The following HSBP1 variants were observed in gnomAD, a reference collection of about 807,000 sequenced individuals.
The protein encoded by HSBP1 is heat shock factor binding protein 1.
HSBP1 carries 5 observed loss-of-function variants against 9.6 expected under a neutral mutation model. That is an observed-to-expected ratio of 0.52 (90% confidence interval 0.27 to 1.09). The LOEUF (loss-of-function observed/expected upper bound fraction) is 1.09, where lower values mean the gene tolerates loss of function less well. HSBP1 is among the 50% of genes least tolerant of loss of function. The probability of loss-of-function intolerance (pLI) is 0.11; values close to 1 mark genes in which losing one functional copy is unlikely to be tolerated. For missense variants in HSBP1, 121 were observed against 96.3 expected, an observed-to-expected ratio of 1.26 and a Z score of -1.07; for synonymous variants, 42 against 33.3, an observed-to-expected ratio of 1.26 and a Z score of -0.90.
chr16:83,808,663 G>A lies in HSBP1; in HGVS notation c.46-17G>A, dbSNP rs770995968. ...GGATCGATGTGGACCGTGTTTGTTTGTTTCGGTTTTTCTTAGGTGCAGACA... is the reference window on the plus strand; with the variant it reads ...GGATCGATGTGGACCGTGTTTGTTTATTTCGGTTTTTCTTAGGTGCAGACA... On this transcript the variant is annotated splice_polypyrimidine_tract_variant and intron_variant, in intron 1 of 3. Coordinates refer to ENST00000433866, the MANE Select transcript of HSBP1 (RefSeq NM_001537.4). 3 of 1,605,606 alleles carry A rather than the reference G, an allele frequency of 1.9e-6. No individual in the cohort carries two copies. Among genetic ancestry groups the A allele is most frequent in the Non-Finnish European group, 2.6e-6 (3 of 1,173,820 alleles).
In HSBP1 at chr16:83,812,026, T is replaced by C. The variant is rs1005310609; in HGVS notation, c.*608T>C. The C allele has an allele frequency of 6.5e-6, 1 of 152,694 alleles. No individual in the cohort carries two copies. Among genetic ancestry groups the C allele is most frequent in the African/African-American group, 2.4e-5 (1 of 41,478 alleles). The allele number at this position is 152,694 out of a possible 1,614,324, so 9.5% of individuals were successfully genotyped here. A position where few individuals can be genotyped will look rare whatever the true frequency, so the allele number is the denominator to read the frequency against. On this transcript the variant is annotated 3_prime_UTR_variant, in exon 4 of 4. Transcript: ENST00000433866. ...CCCTGAGATCACATGCTAAAGTCGA[T>C]GAAAAGTAACCACTGCCACTGTCTT...
chr16:83,811,050 C>T (rs966591482), intron 3 of HSBP1, among the ~76,000 whole-genome samples: 1 of 152,146 alleles, frequency 6.6e-6, no homozygotes, highest in African/African-American at 2.4e-5. Flanking sequence ...TGGGTTATGT[C>T]ATCGTTATTC....
At chr16:83,808,551 C>A in intron 1 of HSBP1, 129 bp from the exon 2 acceptor site, 1 of 664,884 alleles carries the variant, frequency 1.5e-6, no homozygotes, top group Admixed American at 2.8e-5. Context: ...GAAGATCTTG[C>A]TGAAGGCCGC....
At position 83,808,092 on chromosome 16, in the gene HSBP1, C is replaced by G; in HGVS notation, c.16C>G (p.Pro6Ala). The G allele has an allele frequency of 1.3e-6, 2 of 1,547,410 alleles. No homozygotes were observed. The highest frequency in any genetic ancestry group is 1.7e-6 in the Non-Finnish European group (2 of 1,145,018). ...CATCGGGGAGATGGCCGAGACTGAC[C>G]CCAAGACCGTGCAGGACCTCACCTC... MAETD[P>A]KTVQDLTSVV... Residue 6 changes from proline (P) to alanine (A), a missense_variant, in exon 1 of 4, where the codon CCC becomes GCC. Physicochemically the swap from Pro to Ala is conservative, Grantham distance 27. Transcript: ENST00000433866.
rs78631719 is a variant in HSBP1, at chr16:83,818,882, G to A, written c.*7464G>A. 5.2e-3 allele frequency: 798 copies of A among 152,278 alleles called. 3 individuals carry two copies. The highest frequency in any genetic ancestry group is 0.019 in the African/African-American group (772 of 41,546). The allele number at this position is 152,278 out of a possible 1,614,324, so 9.4% of individuals were successfully genotyped here. On this transcript the variant is annotated 3_prime_UTR_variant, in exon 4 of 4. Coordinates refer to ENST00000433866, the MANE Select transcript of HSBP1 (RefSeq NM_001537.4). ...TGGAAAGAATATTTTCTTCCTTGGA[G>A]ACATTTCCCATAGGGCAGTGGTTCT...
At position 83,808,729 on chromosome 16, in the gene HSBP1, A is replaced by G; in HGVS notation, c.95A>G (p.Asp32Gly). The change falls in exon 2 of 4, where the codon GAC (aspartate) becomes GGC (glycine). Residue 32 changes from aspartate to glycine, a missense_variant. Physicochemically the swap from Asp to Gly is moderately conservative, Grantham distance 94. Coordinates refer to ENST00000433866, the MANE Select transcript of HSBP1 (RefSeq NM_001537.4). ...CAAGATAAATTTCAGACCATGTCTG[A>G]CCAGATCATTGGGAGAAATATCCTT... Reference protein sequence around the residue: ...QMQDKFQTMSDQIIGRIDDMS... With the variant: ...QMQDKFQTMSGQIIGRIDDMS... 6.2e-7 allele frequency: 1 copy of G among 1,612,108 alleles called. No homozygotes were observed. The highest frequency in any genetic ancestry group is 8.5e-7 in the Non-Finnish European group (1 of 1,178,488).
chr16:83,808,255 G>A (rs1324017201), intron 1 of HSBP1, 134 bp downstream of exon 1: 1 of 782,204 alleles, frequency 1.3e-6, no homozygotes. Context: ...AGCGTCTCTG[G>A]CCGAGGCTCC....
At chr16:83,808,771 C>G (rs781373679) in intron 2 of HSBP1, 25 bp downstream of exon 2, 7 of 1,575,946 alleles carry the variant, frequency 4.4e-6, no homozygotes, top group African/African-American at 1.3e-5. Context: ...TGCAGTCGGC[C>G]TCCTGTGGGC....
At position 83,808,752 on chromosome 16, in the gene HSBP1, C is replaced by T. The variant is rs1485230706; in HGVS notation, c.112+6C>T. 5.6e-6 allele frequency: 9 copies of T among 1,605,344 alleles called. No individual in the cohort carries two copies. Among genetic ancestry groups the T allele is most frequent in the Non-Finnish European group, 6.8e-6 (8 of 1,173,486 alleles). On this transcript the variant is annotated splice_donor_region_variant and intron_variant, in intron 2 of 3. Transcript: ENST00000433866. Reference sequence around the variant, plus strand: ...TGACCAGATCATTGGGAGAAATATCCTTTTTATCTGCAGTCGGCCTCCTGT... The same window carrying T: ...TGACCAGATCATTGGGAGAAATATCTTTTTTATCTGCAGTCGGCCTCCTGT...
In HSBP1 at chr16:83,819,481, C is replaced by A. The variant is rs9937964; in HGVS notation, c.*8063C>A. On this transcript the variant is annotated 3_prime_UTR_variant, in exon 4 of 4. Coordinates refer to ENST00000433866, the MANE Select transcript of HSBP1 (RefSeq NM_001537.4). ...TGCCTTCTGAACCGAGGAGTCCACC[C>A]CTAAGCCCGAGGAACTGAGCGTGAA... is the stretch of plus-strand genomic sequence containing the variant. 14,523 of 152,088 alleles carry A rather than the reference C, an allele frequency of 0.095. 747 individuals carry two copies. Among genetic ancestry groups the A allele is most frequent in the African/African-American group, 0.11 (4,664 of 41,478 alleles). The allele number at this position is 152,088 out of a possible 1,614,324, so 9.4% of individuals were successfully genotyped here.
intron 3 of HSBP1, among the ~76,000 whole-genome samples, chr16:83,810,563 C>G (rs1382837140): frequency 1.6e-5 from 2 of 126,812 alleles, no homozygotes; most frequent in African/African-American, 5.9e-5. Flanking sequence ...TGCGTGGTGA[C>G]TCATGCCTGT....
At position 83,809,286 on chromosome 16, in the gene HSBP1, T is replaced by C; in HGVS notation, c.113-19T>C. 1 of 1,477,446 alleles carries C rather than the reference T, an allele frequency of 6.8e-7. No individual in the cohort carries two copies. The highest frequency in any genetic ancestry group is 9.3e-7 in the Non-Finnish European group (1 of 1,072,414). 91.5% of individuals were successfully genotyped at this position (1,477,446 alleles called of 1,614,324 possible). On this transcript the variant is annotated intron_variant, in intron 2 of 3. Transcript: ENST00000433866. ...AGGCTCAATGAGATGTTGGCACGCG[T>C]TGTCTTTAACTTCAGCACTTGATGA...
chr16:83,808,565 G>T (rs1904518144), intron 1 of HSBP1, 115 bp from the exon 2 acceptor site: 6 of 736,028 alleles, frequency 8.2e-6, no homozygotes, highest in Non-Finnish European at 1.4e-5. Flanking sequence ...AGGCCGCACA[G>T]CTGTCCAGAG....
chr16:83,808,869 GGAT>G (rs1220003757), intron 2 of HSBP1, 123 bp downstream of exon 2: 1 of 726,574 alleles, frequency 1.4e-6, no homozygotes, highest in Non-Finnish European at 2.3e-6. Context: ...ATTTGAGCTT[GGAT>G]TGTACTGTGT....
rs1904675819 is a variant in HSBP1 at position 83,814,532 on chromosome 16, C to T, written c.*3114C>T. 1 of 152,266 alleles carries T rather than the reference C, an allele frequency of 6.6e-6. No individual in the cohort carries two copies. Among genetic ancestry groups the T allele is most frequent in the South Asian group, 2.1e-4 (1 of 4,838 alleles). The allele number at this position is 152,266 out of a possible 1,614,324, so 9.4% of individuals were successfully genotyped here. On this transcript the variant is annotated 3_prime_UTR_variant, in exon 4 of 4. Coordinates refer to ENST00000433866, the MANE Select transcript of HSBP1 (RefSeq NM_001537.4). Reference sequence around the variant, plus strand: ...CTCACAGCTGCACACCTGCACTGCTCACGAACACAGCTGATCGTCTGCCTC... The same window carrying T: ...CTCACAGCTGCACACCTGCACTGCTTACGAACACAGCTGATCGTCTGCCTC...
intron 1 of HSBP1, chr16:83,808,399 C>T: frequency 1.8e-6 from 1 of 560,948 alleles, no homozygotes; most frequent in Non-Finnish European, 3.1e-6. Flanking sequence ...CTCTGACACC[C>T]TCCCCGCCCT....
At chr16:83,809,826 G>A (rs866426496) in intron 3 of HSBP1, among the ~76,000 whole-genome samples, 1 of 152,144 alleles carries the variant, frequency 6.6e-6, no homozygotes, top group African/African-American at 2.4e-5. Flanking sequence ...TTTGTATGTA[G>A]TCAGACATTC....
chr16:83,808,540 G>A, intron 1 of HSBP1, 140 bp from the exon 2 acceptor site: 1 of 634,292 alleles, frequency 1.6e-6, no homozygotes, highest in African/African-American at 1.8e-5. Flanking sequence ...GCCCAGAGAA[G>A]GAAGATCTTG....
rs183018736 is a variant in HSBP1, at chr16:83,814,856, A to C, written c.*3438A>C. 4 of 152,180 alleles carry C rather than the reference A, an allele frequency of 2.6e-5. No individual in the cohort carries two copies. The highest frequency in any genetic ancestry group is 4.4e-5 in the Non-Finnish European group (3 of 68,042). The allele number at this position is 152,180 out of a possible 1,614,324, so 9.4% of individuals were successfully genotyped here. On this transcript the variant is annotated 3_prime_UTR_variant, in exon 4 of 4. Transcript: ENST00000433866. ...TTTGCCCAGAGCACAACCACGGGGA[A>C]TATGAACCACAGGTTTTCACATTGG... is the stretch of plus-strand genomic sequence containing the variant.
Sources: allele counts gnomAD v4.1 joint callset (sites outside exome capture counted in the v4.1 genomes callset), GRCh38; gene constraint gnomAD v4.1.1; transcripts MANE v1.5; gene names NCBI Gene and HGNC (gene_info 2026-07-23, HGNC 2026-07-21).